The following ARHGAP20 variants were observed in gnomAD, a reference collection of about 807,000 sequenced individuals.
ARHGAP20 encodes Rho GTPase activating protein 20.
Under a neutral mutation model 73.7 loss-of-function variants are expected in ARHGAP20, and 34 were observed. That is an observed-to-expected ratio of 0.46 (90% confidence interval 0.35 to 0.61). The LOEUF (loss-of-function observed/expected upper bound fraction) is 0.61. Among genes scored for constraint, ARHGAP20 ranks in the 20% least tolerant of loss-of-function variants. The pLI is 0.00. For missense variants in ARHGAP20, 1,314 were observed against 1,420.9 expected (o/e 0.92, Z 1.21); for synonymous variants, 523 against 518.2 (o/e 1.01, Z -0.13).
intron 2 of ARHGAP20, among the ~76,000 whole-genome samples, chr11:110,683,803 T>C (rs913245916): frequency 1.3e-5 from 2 of 152,184 alleles, no homozygotes; most frequent in African/African-American, 2.4e-5. Context: ...CGATCATCTT[T>C]ATAGATTTTT....
chr11:110,578,286 T>TG lies in ARHGAP20; in HGVS notation c.*1083dup. 1.0e-6 allele frequency: 1 copy of TG among 985,452 alleles called. No homozygotes were observed. The highest frequency in any genetic ancestry group is 1.2e-6 in the Non-Finnish European group (1 of 829,926). 61.0% of individuals were successfully genotyped at this position (985,452 alleles called of 1,614,324 possible). A position where few individuals can be genotyped will look rare whatever the true frequency, so the allele number is the denominator to read the frequency against. On this transcript the variant is annotated 3_prime_UTR_variant, in exon 15 of 15. Coordinates refer to ENST00000683387, the MANE Select transcript of ARHGAP20 (RefSeq NM_001384657.1). ...TGAGAAGGCCTGGCAGCCACTTTGT[T>TG]GGGTATTCTATTGTGGGACTCCTTA...
intron 2 of ARHGAP20, among the ~76,000 whole-genome samples, chr11:110,641,304 C>A (rs1949072620): frequency 6.6e-6 from 1 of 151,924 alleles, no homozygotes; most frequent in African/African-American, 2.4e-5. Flanking sequence ...AGAGTGAGAT[C>A]CATACACAAA....
intron 2 of ARHGAP20, among the ~76,000 whole-genome samples, chr11:110,635,151 T>C (rs1948939083): frequency 6.6e-6 from 1 of 152,098 alleles, no homozygotes; most frequent in Non-Finnish European, 1.5e-5. Context: ...CCCCTGGGTA[T>C]ACTAAAAGTA....
At chr11:110,606,784 C>A in intron 8 of ARHGAP20, 35 bp from the exon 9 acceptor site, 1 of 1,488,330 alleles carries the variant, frequency 6.7e-7, no homozygotes. Context: ...AGACTTCAGG[C>A]TGACTGGTAC....
Position 110,579,198 on chromosome 11 carries a change from A to G in ARHGAP20, c.*172T>C. ...TTAGGTGACAAAATTTTTAGCATAA[A>G]GTATTTGTCAAGTAGTCTCAATAAA... is the stretch of plus-strand genomic sequence containing the variant. On this transcript the variant is annotated 3_prime_UTR_variant, in exon 15 of 15. Transcript: ENST00000683387. 1 of 1,303,084 alleles carries G rather than the reference A, an allele frequency of 7.7e-7. No individual in the cohort carries two copies. Among genetic ancestry groups the G allele is most frequent in the Non-Finnish European group, 9.8e-7 (1 of 1,023,870 alleles). 80.7% of individuals were successfully genotyped at this position (1,303,084 alleles called of 1,614,324 possible).
intron 1 of ARHGAP20, 139 bp from the exon 2 acceptor site, chr11:110,690,768 T>C: frequency 3.3e-6 from 3 of 897,728 alleles, no homozygotes; most frequent in Non-Finnish European, 3.4e-6. Context: ...ATTATGGAGA[T>C]AAAACTGTAA....
chr11:110,580,831 C>T lies in ARHGAP20; in HGVS notation c.2115G>A (p.Glu705=). 1.2e-6 allele frequency: 2 copies of T among 1,614,030 alleles called. No individual in the cohort carries two copies. The highest frequency in any genetic ancestry group is 1.7e-5 in the Admixed American group (1 of 60,008). The change falls in exon 15 of 15, where the codon GAG becomes GAA. Residue 705 remains glutamate (E), a synonymous_variant. Transcript: ENST00000683387. ...KSLRRHRRCS[E]PSIDYLDSKL... is the part of the protein sequence containing the mutation. The stretch of plus-strand genomic sequence containing the variant: ...TTGAATCCAGATAGTCGATGCTGGG[C>T]TCTGAGCAACGCCGGTGTCGCCTCA...
chr11:110,641,013 G>C (rs1332710208), intron 2 of ARHGAP20, among the ~76,000 whole-genome samples: 5 of 152,084 alleles, frequency 3.3e-5, no homozygotes, highest in Non-Finnish European at 7.4e-5. Context: ...ATGAAGACAG[G>C]ATAAGGGCTT....
intron 2 of ARHGAP20, among the ~76,000 whole-genome samples, chr11:110,676,055 T>G (rs1057185804): frequency 3.3e-5 from 5 of 152,204 alleles, no homozygotes; most frequent in Non-Finnish European, 7.3e-5. Context: ...AATAAAAATA[T>G]ATGGTATTAC....
chr11:110,705,954 G>A (rs1950545902), intron 1 of ARHGAP20, among the ~76,000 whole-genome samples: 1 of 152,136 alleles, frequency 6.6e-6, no homozygotes, highest in Non-Finnish European at 1.5e-5. Context: ...ATCTGAAAAT[G>A]TCAGACACCA....
chr11:110,659,930 G>A (rs1949562300), intron 2 of ARHGAP20, among the ~76,000 whole-genome samples: 1 of 151,818 alleles, frequency 6.6e-6, no homozygotes, highest in Non-Finnish European at 1.5e-5. Context: ...GGGAGGGATA[G>A]CACTGGGAGA....
At chr11:110,624,400 A>T in intron 3 of ARHGAP20, 89 bp from the exon 4 acceptor site, 1 of 1,115,912 alleles carries the variant, frequency 9.0e-7, no homozygotes, top group East Asian at 2.7e-5. Flanking sequence ...TCCTCAGCAA[A>T]CTAACACAGG....
At chr11:110,690,730 C>A in intron 1 of ARHGAP20, 101 bp from the exon 2 acceptor site, 2 of 1,149,806 alleles carry the variant, frequency 1.7e-6, no homozygotes, top group Non-Finnish European at 1.3e-6. Context: ...CATTGCCTAT[C>A]TTTGTCTGTC....
At position 110,653,178 on chromosome 11, in the gene ARHGAP20, G is replaced by A. The variant is rs183333405; in HGVS notation, c.189-22386C>T. ...TAGGCATGGGCAAAGATTTCATGACGAAAATGTCAAAAGCAATTGCAACAA... is the reference window on the plus strand; with the variant it reads ...TAGGCATGGGCAAAGATTTCATGACAAAAATGTCAAAAGCAATTGCAACAA... On this transcript the variant is annotated intron_variant, in intron 2 of 14. Coordinates refer to ENST00000683387, the MANE Select transcript of ARHGAP20 (RefSeq NM_001384657.1). Among the ~76,000 whole-genome samples, 22 of 152,112 alleles carry A rather than the reference G, an allele frequency of 1.4e-4. No individual in the cohort carries two copies. The East Asian group carries it at 3.5e-3, about 24-fold the overall frequency.
At position 110,615,565 on chromosome 11, in the gene ARHGAP20, G is replaced by C; in HGVS notation, c.533C>G (p.Ser178Cys). 1 of 1,612,170 alleles carries C rather than the reference G, an allele frequency of 6.2e-7. No homozygotes were observed. Among genetic ancestry groups the C allele is most frequent in the Non-Finnish European group, 8.5e-7 (1 of 1,179,286 alleles). Reference sequence around the variant, plus strand: ...ACTGAAAAAATACCTCTGAAGGAGAGAGAGCCATTTGTCCTTTTGTTCTGG... The same window carrying C: ...ACTGAAAAAATACCTCTGAAGGAGACAGAGCCATTTGTCCTTTTGTTCTGG... ...SSPEQKDKWL[S>C]LLQRYINLEK... Residue 178 changes from serine to cysteine, a missense_variant, in exon 5 of 15, where the codon TCT becomes TGT. Ser to Cys is a moderately radical substitution (Grantham distance 112). Around this residue, in one of 3 missense-constraint regions of ARHGAP20, gnomAD observed 443 missense variants for 466.4 expected, o/e 0.95. Coordinates refer to ENST00000683387, the MANE Select transcript of ARHGAP20 (RefSeq NM_001384657.1).
intron 2 of ARHGAP20, among the ~76,000 whole-genome samples, chr11:110,657,163 C>T (rs1313486102): frequency 6.6e-6 from 1 of 152,042 alleles, no homozygotes; most frequent in African/African-American, 2.4e-5. Flanking sequence ...AGGAAAGCAG[C>T]AGTTTTTAGC....
At chr11:110,678,674 T>G (rs1184594764) in intron 2 of ARHGAP20, among the ~76,000 whole-genome samples, 1 of 152,214 alleles carries the variant, frequency 6.6e-6, no homozygotes, top group African/African-American at 2.4e-5. Context: ...TTTATTTATC[T>G]TTTCTGAGAC....
chr11:110,621,371 G>A (rs1948625923), intron 4 of ARHGAP20, among the ~76,000 whole-genome samples: 1 of 151,682 alleles, frequency 6.6e-6, no homozygotes, highest in African/African-American at 2.4e-5. Flanking sequence ...TCCTCTTTCT[G>A]TAATTCCAGT....
At chr11:110,613,235 A>G (rs1948408670) in intron 6 of ARHGAP20, among the ~76,000 whole-genome samples, 1 of 152,248 alleles carries the variant, frequency 6.6e-6, no homozygotes. Flanking sequence ...AACAGACAAA[A>G]CTGAAAATGT....
Sources: allele counts gnomAD v4.1 joint callset (sites outside exome capture counted in the v4.1 genomes callset), GRCh38; gene constraint gnomAD v4.1.1; regional missense constraint gnomAD v4.1.1; transcripts MANE v1.5; gene names NCBI Gene and HGNC (gene_info 2026-07-23, HGNC 2026-07-21).